LIPG: variants seen among roughly 807,000 people sequenced by gnomAD.
The protein encoded by LIPG is endothelial lipase.
In LIPG, 34 loss-of-function variants were observed where a neutral mutation model predicts 51.8. That is an observed-to-expected ratio of 0.66 (90% CI 0.50 to 0.87). The LOEUF (loss-of-function observed/expected upper bound fraction) is 0.87. Among genes scored for constraint, LIPG ranks in the 40% least tolerant of loss-of-function variants. LIPG has a pLI of 0.00. For synonymous variants in LIPG, 246 were observed against 246.1 expected (o/e 1.00, Z 0.00); for missense variants, 580 against 652.7 (o/e 0.89, Z 1.21).
At chr18:49,563,832 C>G (rs1384990931) in intron 1 of LIPG, among the ~76,000 whole-genome samples, 1 of 152,114 alleles carries the variant, frequency 6.6e-6, no homozygotes, top group Non-Finnish European at 1.5e-5. Flanking sequence ...GGGGTCAGAG[C>G]AGGTCAGACT....
chr18:49,563,401 G>A (rs1342623686), intron 1 of LIPG, among the ~76,000 whole-genome samples: 1 of 152,134 alleles, frequency 6.6e-6, no homozygotes, highest in East Asian at 1.9e-4. Context: ...GGGCCTCTGA[G>A]TATGTGTGAG....
intron 2 of LIPG, among the ~76,000 whole-genome samples, chr18:49,565,829 GC>G (rs1420244695): frequency 6.6e-6 from 1 of 152,208 alleles, no homozygotes; most frequent in African/African-American, 2.4e-5. Flanking sequence ...GGGCTGTCCT[GC>G]CGTGAGAGCT....
chr18:49,572,594 G>A (rs1389423141), intron 4 of LIPG, among the ~76,000 whole-genome samples: 1 of 152,012 alleles, frequency 6.6e-6, no homozygotes, highest in East Asian at 1.9e-4. Context: ...AGCCAGGCAT[G>A]GTAGTGCATG....
chr18:49,578,631 C>T (rs2084760309), intron 5 of LIPG, among the ~76,000 whole-genome samples: 2 of 151,470 alleles, frequency 1.3e-5, no homozygotes, highest in Non-Finnish European at 1.5e-5. Flanking sequence ...GGCGGCCGGG[C>T]AGAGGCTGCA....
chr18:49,565,455 T>C lies in LIPG; in HGVS notation c.236T>C (p.Phe79Ser). 6.2e-7 allele frequency: 1 copy of C among 1,614,260 alleles called. No homozygotes were observed. ...GHSQPLEDCS[F>S]NMTAKTFFII... is the part of the protein sequence containing the mutation. ...AGCCAGCCCTTAGAAGACTGCAGTT[T>C]CAACATGACAGCTAAAACCTTTTTC... The change falls in exon 2 of 10, where the codon TTC (phenylalanine) becomes TCC (serine). Residue 79 changes from phenylalanine to serine, a missense_variant. Coordinates refer to ENST00000261292, the MANE Select transcript of LIPG (RefSeq NM_006033.4).
At chr18:49,582,702 G>A (rs1215048047) in intron 7 of LIPG, among the ~76,000 whole-genome samples, 2 of 152,296 alleles carry the variant, frequency 1.3e-5, no homozygotes, top group South Asian at 2.1e-4. Context: ...AAAGTTCCTG[G>A]GATGAATCGG....
rs1272525256 is a variant in LIPG, at chr18:49,598,236, C to T, written c.*7714C>T. 13 of 152,216 alleles carry T rather than the reference C, an allele frequency of 8.5e-5. No individual in the cohort carries two copies. Among genetic ancestry groups the T allele is most frequent in the African/African-American group, 2.9e-4 (12 of 41,514 alleles). 9.4% of individuals were successfully genotyped at this position (152,216 alleles called of 1,614,324 possible). A position where few individuals can be genotyped will look rare whatever the true frequency, so the allele number is the denominator to read the frequency against. ...TGGAGACACGGTATCACTGTGTGGC[C>T]CAGGCTGGAGTGTGGTGGCGCCATC... is the stretch of plus-strand genomic sequence containing the variant. On this transcript the variant is annotated 3_prime_UTR_variant, in exon 10 of 10. Transcript: ENST00000261292.
chr18:49,587,568 CA>C (rs34734805), intron 9 of LIPG, among the ~76,000 whole-genome samples: 784 of 42,234 alleles, frequency 0.019, no homozygotes, highest in Middle Eastern at 0.056. Context: ...GACTCCGTCT[CA>C]AAAAAAAAAA....
At chr18:49,576,423 TTTTTC>T (rs1033029322) in intron 5 of LIPG, among the ~76,000 whole-genome samples, 9 of 146,230 alleles carry the variant, frequency 6.2e-5, no homozygotes, top group Admixed American at 6.0e-4. Context: ...ATGGATATTC[TTTTTC>T]TTTTCTTTTT....
chr18:49,574,163 A>T (rs2084691471), intron 4 of LIPG, among the ~76,000 whole-genome samples: 1 of 152,124 alleles, frequency 6.6e-6, no homozygotes, highest in South Asian at 2.1e-4. Flanking sequence ...TGTGGGGCAA[A>T]GAGCTGTTCT....
At chr18:49,578,043 G>A (rs1440897698) in intron 5 of LIPG, among the ~76,000 whole-genome samples, 15 of 143,390 alleles carry the variant, frequency 1.0e-4, no homozygotes, top group South Asian at 4.5e-4. Flanking sequence ...CCTCCCTCCC[G>A]GATGGCACGG....
intron 8 of LIPG, among the ~76,000 whole-genome samples, chr18:49,586,250 C>T (rs548256433): frequency 8.5e-5 from 13 of 152,298 alleles, no homozygotes; most frequent in South Asian, 6.2e-4. Flanking sequence ...TGAATCACTC[C>T]GTTCAAGTTT....
chr18:49,598,329 G>C lies in LIPG; in HGVS notation c.*7807G>C, dbSNP rs1388938054. ...CCCACTTCAGCCTCCCAAATAGCTGGGACTACAGGTGTACTCCACTATGCC... is the reference window on the plus strand; with the variant it reads ...CCCACTTCAGCCTCCCAAATAGCTGCGACTACAGGTGTACTCCACTATGCC... On this transcript the variant is annotated 3_prime_UTR_variant, in exon 10 of 10. Coordinates refer to ENST00000261292, the MANE Select transcript of LIPG (RefSeq NM_006033.4). 2 of 152,350 alleles carry C rather than the reference G, an allele frequency of 1.3e-5. No individual in the cohort carries two copies. The highest frequency in any genetic ancestry group is 2.9e-5 in the Non-Finnish European group (2 of 68,286). 9.4% of individuals were successfully genotyped at this position (152,350 alleles called of 1,614,324 possible). A position where few individuals can be genotyped will look rare whatever the true frequency, so the allele number is the denominator to read the frequency against.
intron 2 of LIPG, among the ~76,000 whole-genome samples, chr18:49,566,945 G>T (rs963964030): frequency 1.3e-5 from 2 of 152,248 alleles, no homozygotes; most frequent in Admixed American, 1.3e-4. Flanking sequence ...GATGTAAGGA[G>T]CAATGGAAGA....
Position 49,593,815 on chromosome 18 carries a change from C to G in LIPG, c.*3293C>G, listed in dbSNP as rs2084965793. On this transcript the variant is annotated 3_prime_UTR_variant, in exon 10 of 10. Transcript: ENST00000261292. ...CACATGACAGGCTGGGAAATACAGT[C>G]TTTATTTAGGGTGCCCATGGGCCCT... The G allele has an allele frequency of 6.6e-6, 1 of 152,286 alleles. No homozygotes were observed. The highest frequency in any genetic ancestry group is 2.4e-5 in the African/African-American group (1 of 41,554). The allele number at this position is 152,286 out of a possible 1,614,324, so 9.4% of individuals were successfully genotyped here.
Position 49,596,635 on chromosome 18 carries a change from C to CAAAAAAA in LIPG, c.*6130_*6136dup, listed in dbSNP as rs35773018. 1 of 55,932 alleles carries CAAAAAAA rather than the reference C, an allele frequency of 1.8e-5. No homozygotes were observed. Among genetic ancestry groups the CAAAAAAA allele is most frequent in the Non-Finnish European group, 3.3e-5 (1 of 29,886 alleles). The allele number at this position is 55,932 out of a possible 1,614,324, so 3.5% of individuals were successfully genotyped here. On this transcript the variant is annotated 3_prime_UTR_variant, in exon 10 of 10. Transcript: ENST00000261292. ...GGGCAACAAGAGCAAATCTCTATCT[C>CAAAAAAA]AAAAAAAAAAAAAAAAAAAAAAAGG... is the stretch of plus-strand genomic sequence containing the variant.
At chr18:49,585,137 C>G (rs768497668) in intron 8 of LIPG, among the ~76,000 whole-genome samples, 1 of 152,210 alleles carries the variant, frequency 6.6e-6, no homozygotes, top group Non-Finnish European at 1.5e-5. Context: ...TCTTGGCTCA[C>G]TGCAAACTCC....
intron 7 of LIPG, 66 bp from the exon 8 acceptor site, chr18:49,583,490 A>G: frequency 7.5e-7 from 1 of 1,334,732 alleles, no homozygotes; most frequent in Non-Finnish European, 1.1e-6. Context: ...CCACTGTGTC[A>G]CCCCACACAG....
chr18:49,576,309 CAAATTATTTGCATGCATA>C (rs1481801644), intron 5 of LIPG, among the ~76,000 whole-genome samples: 1 of 151,956 alleles, frequency 6.6e-6, no homozygotes, highest in Non-Finnish European at 1.5e-5. Context: ...TTTTTCTTTG[CAAATTATTTGCATGCATA>C]TTTTTCCCCC....
Sources: allele counts gnomAD v4.1 joint callset (sites outside exome capture counted in the v4.1 genomes callset), GRCh38; gene constraint gnomAD v4.1.1; transcripts MANE v1.5; gene names NCBI Gene and HGNC (gene_info 2026-07-23, HGNC 2026-07-21).